The following TTC5 variants were observed in gnomAD, a reference collection of about 807,000 sequenced individuals.
TTC5 encodes the protein tetratricopeptide repeat protein 5.
Under a neutral mutation model 57.4 loss-of-function variants are expected in TTC5, and 46 were observed. The observed-to-expected ratio is 0.80, with a 90% confidence interval of 0.63 to 1.03. The LOEUF (loss-of-function observed/expected upper bound fraction) is 1.03. Ranked by LOEUF, TTC5 falls within the 50% of genes least tolerant of loss-of-function variation. The probability of loss-of-function intolerance (pLI) is 0.00; values close to 1 mark genes in which losing one functional copy is unlikely to be tolerated. For synonymous variants in TTC5, 190 were observed against 203.5 expected, an observed-to-expected ratio of 0.93 and a Z score of 0.57; for missense variants, 504 against 528.1, an observed-to-expected ratio of 0.95 and a Z score of 0.45.
At chr14:20,299,488 T>C in intron 3 of TTC5, 40 bp from the exon 4 acceptor site, 1 of 1,597,984 alleles carries the variant, frequency 6.3e-7, no homozygotes, top group Non-Finnish European at 8.6e-7. Context: ...TTCCTGATTC[T>C]ACCTCCCCTT....
intron 3 of TTC5, 165 bp downstream of exon 3, chr14:20,300,442 T>C (rs112664007): frequency 1.7e-6 from 1 of 603,140 alleles, no homozygotes. Flanking sequence ...GGCCCCTGCC[T>C]CTATTTTCCT....
At chr14:20,294,911 G>A (rs974570158) in intron 8 of TTC5, 2 of 189,290 alleles carry the variant, frequency 1.1e-5, no homozygotes, top group African/African-American at 4.6e-5. Context: ...ATAACTCAAA[G>A]CTCACTTTTC....
intron 8 of TTC5, chr14:20,294,253 A>C (rs1014566590): frequency 4.6e-5 from 7 of 152,202 alleles, no homozygotes; most frequent in Admixed American, 1.3e-4. Flanking sequence ...AGTCCTGGGA[A>C]CCTAAGATTT....
At chr14:20,295,905 G>A (rs763580461) in intron 6 of TTC5, 51 bp from the exon 7 acceptor site, 16 of 1,486,662 alleles carry the variant, frequency 1.1e-5, no homozygotes, top group South Asian at 5.5e-5. Flanking sequence ...AAACTATCCC[G>A]AGGGAATGGC....
chr14:20,292,135 G>A lies in TTC5; in HGVS notation c.1059-8C>T. 6.5e-7 allele frequency: 1 copy of A among 1,539,982 alleles called. No homozygotes were observed. Among genetic ancestry groups the A allele is most frequent in the Non-Finnish European group, 8.8e-7 (1 of 1,142,624 alleles). On this transcript the variant is annotated splice_region_variant and splice_polypyrimidine_tract_variant and intron_variant, in intron 8 of 9. Transcript: ENST00000258821. Reference sequence around the variant, plus strand: ...TCTACCAGGCCAAATGTACTACCAAGTAAAGACAGATTAGGAGAGAGGAAA... The same window carrying A: ...TCTACCAGGCCAAATGTACTACCAAATAAAGACAGATTAGGAGAGAGGAAA...
chr14:20,289,646 G>A lies in TTC5; in HGVS notation c.1304C>T (p.Ser435Leu), dbSNP rs201731132. ...CAAAGGTCATTCACACTGTGGTCGC[G>A]ATGCCACTGTGGCAACAGCCTGGCT... ...SSSQAVATVA[S>L]RPQCE Residue 435 changes from serine (S) to leucine (L), a missense_variant, in exon 10 of 10, where the codon TCG becomes TTG. By Grantham distance (145) the Ser-to-Leu change is moderately radical. Transcript: ENST00000258821. The A allele has an allele frequency of 6.8e-5, 109 of 1,613,314 alleles. No homozygotes were observed. The highest frequency in any genetic ancestry group is 5.0e-4 in the Middle Eastern group (3 of 6,044).
intron 5 of TTC5, 65 bp downstream of exon 5, chr14:20,298,732 G>T: frequency 2.5e-6 from 3 of 1,187,038 alleles, no homozygotes; most frequent in South Asian, 2.5e-5. Flanking sequence ...CCACAAAGAA[G>T]ACTGAACAAT....
At chr14:20,294,693 G>C (rs995621344) in intron 8 of TTC5, 2 of 152,334 alleles carry the variant, frequency 1.3e-5, no homozygotes, top group Non-Finnish European at 2.9e-5. Flanking sequence ...AAGGACCAAG[G>C]AGTGGTGGCA....
At chr14:20,303,099 G>C (rs1158706144) in intron 1 of TTC5, among the ~76,000 whole-genome samples, 4 of 152,008 alleles carry the variant, frequency 2.6e-5, no homozygotes, top group Non-Finnish European at 4.4e-5. Context: ...GGCTGAGGCA[G>C]GAGAATCGCT....
chr14:20,304,762 A>C (rs1357871872), intron 1 of TTC5, among the ~76,000 whole-genome samples: 1 of 152,146 alleles, frequency 6.6e-6, no homozygotes, highest in Non-Finnish European at 1.5e-5. Flanking sequence ...GGGCTTATTG[A>C]TTGGTTTTAG....
At chr14:20,290,295 T>A (rs2152491) in intron 9 of TTC5, among the ~76,000 whole-genome samples, 126,619 of 152,230 alleles carry the variant, frequency 0.83, 53,207 homozygotes, top group Non-Finnish European at 0.9. Flanking sequence ...TCAGTTTAAG[T>A]GTATTTTAAG....
intron 9 of TTC5, 70 bp from the exon 10 acceptor site, chr14:20,289,816 A>G (rs1881918256): frequency 2.7e-6 from 4 of 1,477,352 alleles, no homozygotes; most frequent in East Asian, 2.3e-5. Flanking sequence ...ATGGGGATAC[A>G]CCACTTGCAA....
At chr14:20,300,550 A>T (rs995803853) in intron 3 of TTC5, 57 bp downstream of exon 3, 2 of 1,483,968 alleles carry the variant, frequency 1.3e-6, no homozygotes, top group Non-Finnish European at 1.8e-6. Flanking sequence ...AACTCATAGA[A>T]CCAAAGAAAT....
intron 4 of TTC5, 82 bp from the exon 5 acceptor site, chr14:20,298,970 TTGAAAGG>T (rs1418218465): frequency 2.8e-5 from 32 of 1,137,212 alleles, no homozygotes; most frequent in Non-Finnish European, 3.8e-5. Flanking sequence ...GAAAGTATAT[TTGAAAGG>T]TCCCACAAGA....
intron 8 of TTC5, chr14:20,293,155 TCTGATAGCAGGATAAACAGA>T (rs1344259454): frequency 3.9e-5 from 6 of 152,256 alleles, no homozygotes; most frequent in African/African-American, 1.4e-4. Flanking sequence ...TGCAATTTAC[TCTGATAGCAGGATAAACAGA>T]CTGATATGTA....
intron 1 of TTC5, among the ~76,000 whole-genome samples, chr14:20,302,889 T>A (rs897190943): frequency 1.3e-5 from 2 of 152,156 alleles, no homozygotes; most frequent in African/African-American, 2.4e-5. Flanking sequence ...GAAACAATTT[T>A]TTTTTTTTCT....
chr14:20,292,604 G>A (rs1881981518), intron 8 of TTC5: 1 of 152,292 alleles, frequency 6.6e-6, no homozygotes, highest in Non-Finnish European at 1.5e-5. Flanking sequence ...TATGTGCCAA[G>A]CATTGTGTTT....
Position 20,298,835 on chromosome 14 carries a change from T to C in TTC5, c.601A>G (p.Lys201Glu), listed in dbSNP as rs1328187178. 2.5e-6 allele frequency: 4 copies of C among 1,614,036 alleles called. No individual in the cohort carries two copies. The South Asian group carries it at 3.3e-5, about 13-fold the overall frequency. Residue 201 changes from lysine to glutamate, a missense_variant, in exon 5 of 10, where the codon AAG becomes GAG. Physicochemically the swap from Lys to Glu is moderately conservative, Grantham distance 56 (BLOSUM62 1). Coordinates refer to ENST00000258821, the MANE Select transcript of TTC5 (RefSeq NM_138376.3). The stretch of plus-strand genomic sequence containing the variant: ...GCACTGAGGGCTTGCTGGGAGATCT[T>C]AGGGTTCTGGCCAGTAGAGAAGTAA... Reference protein sequence around the residue: ...SLYFSTGQNPKISQQALSAYA... With the variant: ...SLYFSTGQNPEISQQALSAYA...
At chr14:20,299,218 CA>C (rs960482765) in intron 4 of TTC5, 79 bp downstream of exon 4, 19 of 1,503,126 alleles carry the variant, frequency 1.3e-5, no homozygotes, top group Middle Eastern at 4.8e-4. Flanking sequence ...GAATCACACT[CA>C]AAAGAGGGAC....
Sources: gnomAD v4.1 joint callset for allele counts (sites outside exome capture counted in the v4.1 genomes callset) on GRCh38, gnomAD v4.1.1 for gene constraint, MANE v1.5 for transcripts, NCBI Gene and HGNC (gene_info 2026-07-23, HGNC 2026-07-21) for gene names.